CEP112: variants seen among roughly 807,000 people sequenced by gnomAD.
The protein encoded by CEP112 is centrosomal protein of 112 kDa.
Under a neutral mutation model 153.0 loss-of-function variants are expected in CEP112, and 127 were observed. That is an observed-to-expected ratio of 0.83 (90% CI 0.72 to 0.96). The LOEUF (loss-of-function observed/expected upper bound fraction) is 0.96, where lower values mean the gene tolerates loss of function less well. Among genes scored for constraint, CEP112 ranks in the 40% least tolerant of loss-of-function variants. The probability of loss-of-function intolerance (pLI) is 0.00; values close to 1 mark genes in which losing one functional copy is unlikely to be tolerated. For synonymous variants in CEP112, 358 were observed against 374.4 expected (o/e 0.96, Z 0.51); for missense variants, 1,089 against 1,101.2 (o/e 0.99, Z 0.16).
chr17:66,148,042 G>C (rs1006492439), intron 4 of CEP112, among the ~76,000 whole-genome samples: 6 of 152,116 alleles, frequency 3.9e-5, no homozygotes, highest in African/African-American at 1.4e-4. Context: ...TTTTCACACT[G>C]CTGATAAAGA....
At chr17:65,933,457 C>G (rs141307653) in intron 18 of CEP112, among the ~76,000 whole-genome samples, 5,846 of 152,180 alleles carry the variant, frequency 0.038, 164 homozygotes, top group South Asian at 0.11. Flanking sequence ...ATATCACATA[C>G]AAGGGAGTTG....
intron 18 of CEP112, among the ~76,000 whole-genome samples, chr17:65,937,283 G>A (rs2061344978): frequency 1.0e-5 from 1 of 95,730 alleles, no homozygotes; most frequent in African/African-American, 3.6e-5. Context: ...GCCCAGTCTG[G>A]AAAGTGAGGA....
intron 12 of CEP112, among the ~76,000 whole-genome samples, chr17:66,038,192 G>C (rs2065823035): frequency 6.6e-6 from 1 of 152,012 alleles, no homozygotes; most frequent in South Asian, 2.1e-4. Flanking sequence ...CATAACTGCT[G>C]TTAGAAGCTG....
chr17:65,724,616 T>C (rs532375727), intron 23 of CEP112, among the ~76,000 whole-genome samples: 1 of 152,236 alleles, frequency 6.6e-6, no homozygotes, highest in African/African-American at 2.4e-5. Flanking sequence ...TTTCTAGAAA[T>C]GTTTACACAC....
intron 24 of CEP112, among the ~76,000 whole-genome samples, chr17:65,664,330 A>G (rs907160824): frequency 6.6e-6 from 1 of 152,228 alleles, no homozygotes; most frequent in African/African-American, 2.4e-5. Flanking sequence ...AGGGCTTGAC[A>G]GGAGATGCTT....
chr17:65,786,392 C>T (rs1037048806), intron 21 of CEP112, among the ~76,000 whole-genome samples: 7 of 151,650 alleles, frequency 4.6e-5, no homozygotes, highest in South Asian at 4.2e-4. Context: ...CCTTTCCGAT[C>T]GGGATGACTT....
chr17:65,952,398 T>G (rs1329783108), intron 18 of CEP112, among the ~76,000 whole-genome samples: 1 of 152,018 alleles, frequency 6.6e-6, no homozygotes, highest in African/African-American at 2.4e-5. Flanking sequence ...TGCTTGCATA[T>G]TCTTTCATTC....
intron 4 of CEP112, among the ~76,000 whole-genome samples, chr17:66,142,283 A>G (rs1190657747): frequency 6.6e-6 from 1 of 152,138 alleles, no homozygotes; most frequent in Non-Finnish European, 1.5e-5. Context: ...TGGCTTGCAA[A>G]TATTTTATCT....
rs376807771 is a variant in CEP112, at chr17:66,029,245, T to C, written c.1381A>G (p.Thr461Ala). The C allele has an allele frequency of 6.2e-7, 1 of 1,608,154 alleles. No individual in the cohort carries two copies. The highest frequency in any genetic ancestry group is 8.5e-7 in the Non-Finnish European group (1 of 1,177,696). The change falls in exon 14 of 27, where the codon ACA becomes GCA. Residue 461 changes from threonine to alanine, a missense_variant. Physicochemically the swap from Thr to Ala is moderately conservative, Grantham distance 58. Transcript: ENST00000535342. ...ELQEVKARRN[T>A]LHKEKDHLVN... ...AGATGGTCCTTCTCTTTATGCAGTG[T>C]GTTACGCCTAAAAACAAGAGAATAA... is the stretch of plus-strand genomic sequence containing the variant.
chr17:65,855,686 C>A (rs866669168), intron 20 of CEP112, among the ~76,000 whole-genome samples: 1 of 152,136 alleles, frequency 6.6e-6, no homozygotes, highest in South Asian at 2.1e-4. Context: ...ACCTGAGGAG[C>A]AAAACTACTA....
At chr17:65,704,112 T>G (rs2048783083) in intron 23 of CEP112, among the ~76,000 whole-genome samples, 1 of 151,540 alleles carries the variant, frequency 6.6e-6, no homozygotes, top group South Asian at 2.1e-4. Context: ...CAGGAAGAGG[T>G]TGGCCCTGCG....
At chr17:65,997,734 TATATAA>T (rs1212766091) in intron 17 of CEP112, among the ~76,000 whole-genome samples, 3 of 152,040 alleles carry the variant, frequency 2.0e-5, no homozygotes, top group African/African-American at 4.8e-5. Flanking sequence ...TGTATGTTTT[TATATAA>T]ATATAATGTC....
chr17:66,107,932 G>T (rs1467691306), intron 6 of CEP112, among the ~76,000 whole-genome samples: 1 of 152,008 alleles, frequency 6.6e-6, no homozygotes, highest in Non-Finnish European at 1.5e-5. Flanking sequence ...CAGCATGGTA[G>T]TGGCATAAAA....
At chr17:65,713,664 G>A (rs770911322) in intron 23 of CEP112, among the ~76,000 whole-genome samples, 21 of 152,092 alleles carry the variant, frequency 1.4e-4, no homozygotes, top group Non-Finnish European at 1.5e-5. Context: ...TCAGCTCACT[G>A]CAAGCTCTGC....
Position 66,053,555 on chromosome 17 carries a change from C to A in CEP112, c.1218+181G>T, listed in dbSNP as rs141846521. Among the ~76,000 whole-genome samples, 44 of 152,074 alleles carry A rather than the reference C, an allele frequency of 2.9e-4. No individual in the cohort carries two copies. In the East Asian group the frequency reaches 6.9e-3, roughly 24 times the overall value. On this transcript the variant is annotated intron_variant, in intron 12 of 26. Transcript: ENST00000535342. Reference sequence around the variant, plus strand: ...GCATTAAACACACTAGAGTCAAATCCCTCACAGACTTCAAGGGTCTGTCCA... The same window carrying A: ...GCATTAAACACACTAGAGTCAAATCACTCACAGACTTCAAGGGTCTGTCCA...
At position 65,898,391 on chromosome 17, in the gene CEP112, G is replaced by GC. The variant is rs1004408541; in HGVS notation, c.2163+3760dup. ...GCAAATGCATGGAAAATCAGGTAAT[G>GC]CAACTGAGATACAATTTTTAAAATT... On this transcript the variant is annotated intron_variant, in intron 20 of 26. Coordinates refer to ENST00000535342, the MANE Select transcript of CEP112 (RefSeq NM_001199165.4). 1.2e-4 allele frequency among the ~76,000 whole-genome samples: 18 copies of GC among 152,154 alleles called. No homozygotes were observed. The East Asian group carries it at 3.5e-3, about 29-fold the overall frequency.
chr17:65,679,026 C>T (rs756862027), intron 24 of CEP112, among the ~76,000 whole-genome samples: 22 of 148,262 alleles, frequency 1.5e-4, no homozygotes, highest in South Asian at 2.2e-4. Context: ...CTTGCTTTGG[C>T]GCTTTGCCAC....
At chr17:66,052,277 C>A (rs753403575) in intron 12 of CEP112, among the ~76,000 whole-genome samples, 7 of 152,118 alleles carry the variant, frequency 4.6e-5, no homozygotes, top group Non-Finnish European at 8.8e-5. Flanking sequence ...TACCTTTGCA[C>A]CAACATAAAG....
chr17:66,040,083 G>A (rs1028477294), intron 12 of CEP112, among the ~76,000 whole-genome samples: 2 of 152,124 alleles, frequency 1.3e-5, no homozygotes, highest in Non-Finnish European at 2.9e-5. Context: ...CAGTGAAACC[G>A]CTGTCATAAG....
Sources: allele counts gnomAD v4.1 joint callset (sites outside exome capture counted in the v4.1 genomes callset), GRCh38; gene constraint gnomAD v4.1.1; transcripts MANE v1.5; gene names NCBI Gene and HGNC (gene_info 2026-07-23, HGNC 2026-07-21).